ZNF385D: variants seen among roughly 807,000 people sequenced by gnomAD.
ZNF385D encodes the protein zinc finger protein 385D.
ZNF385D carries 15 observed loss-of-function variants against 35.8 expected under a neutral mutation model. The observed-to-expected ratio is 0.42, with a 90% CI of 0.28 to 0.64. The LOEUF (loss-of-function observed/expected upper bound fraction) is 0.64. Ranked by LOEUF, ZNF385D falls within the 30% of genes least tolerant of loss-of-function variation. The probability of loss-of-function intolerance (pLI) is 0.23; values close to 1 mark genes in which losing one functional copy is unlikely to be tolerated. For missense variants in ZNF385D, 474 were observed against 494.6 expected, an observed-to-expected ratio of 0.96 and a Z score of 0.39; for synonymous variants, 212 against 186.8, an observed-to-expected ratio of 1.13 and a Z score of -1.10.
intron 3 of ZNF385D, among the ~76,000 whole-genome samples, chr3:22,097,086 T>C (rs1392022310): frequency 6.7e-6 from 1 of 150,176 alleles, no homozygotes; most frequent in East Asian, 1.9e-4. Context: ...ATGTGAGTCA[T>C]GAGAAATGAA....
At chr3:22,258,564 C>CA (rs1700435440) in intron 2 of ZNF385D, among the ~76,000 whole-genome samples, 1 of 151,236 alleles carries the variant, frequency 6.6e-6, no homozygotes, top group Non-Finnish European at 1.5e-5. Flanking sequence ...AATAGTCTCC[C>CA]AAAAAAGAAT....
intron 2 of ZNF385D, among the ~76,000 whole-genome samples, chr3:22,263,529 A>G (rs971384725): frequency 1.3e-5 from 2 of 151,980 alleles, no homozygotes; most frequent in African/African-American, 4.8e-5. Context: ...AATATTATAC[A>G]TTTTTAAATT....
chr3:22,151,411 G>A (rs1409770075), intron 3 of ZNF385D, among the ~76,000 whole-genome samples: 2 of 152,150 alleles, frequency 1.3e-5, no homozygotes, highest in Admixed American at 1.3e-4. Flanking sequence ...GACATTGTGG[G>A]TTGAGGAGGT....
chr3:21,569,511 T>C (rs1343537366), intron 2 of ZNF385D, among the ~76,000 whole-genome samples: 5 of 151,256 alleles, frequency 3.3e-5, no homozygotes, highest in Non-Finnish European at 2.9e-5. Flanking sequence ...CTTGACTCTT[T>C]ATCCAATTTG....
At chr3:21,661,513 A>G (rs867569337) in intron 2 of ZNF385D, among the ~76,000 whole-genome samples, 16 of 152,150 alleles carry the variant, frequency 1.1e-4, no homozygotes, top group Middle Eastern at 3.2e-3. Flanking sequence ...AACATCATCT[A>G]TCTACTCCCA....
intron 3 of ZNF385D, among the ~76,000 whole-genome samples, chr3:21,886,979 A>T (rs1698580311): frequency 6.6e-6 from 1 of 152,090 alleles, no homozygotes. Context: ...TTTTCAAAGG[A>T]TTTAACATGT....
At chr3:21,725,940 C>G (rs2068745546) in intron 1 of ZNF385D, among the ~76,000 whole-genome samples, 1 of 152,154 alleles carries the variant, frequency 6.6e-6, no homozygotes, top group Non-Finnish European at 1.5e-5. Flanking sequence ...AAAATACTGG[C>G]AAACCAAATC....
intron 2 of ZNF385D, among the ~76,000 whole-genome samples, chr3:22,216,496 T>A (rs994545258): frequency 6.6e-6 from 1 of 151,656 alleles, no homozygotes; most frequent in Non-Finnish European, 1.5e-5. Flanking sequence ...AAGCTAAGAG[T>A]GAGGAGGTAG....
intron 3 of ZNF385D, among the ~76,000 whole-genome samples, chr3:22,030,702 C>T (rs766186349): frequency 3.9e-5 from 6 of 152,040 alleles, no homozygotes; most frequent in Non-Finnish European, 8.8e-5. Context: ...TCTGCCCTGG[C>T]CCCTCCTAAA....
chr3:21,702,145 A>T (rs1281510332), intron 1 of ZNF385D, among the ~76,000 whole-genome samples: 1 of 152,218 alleles, frequency 6.6e-6, no homozygotes, highest in Non-Finnish European at 1.5e-5. Context: ...GAGGTTCTCC[A>T]TGAGGGTACC....
chr3:21,866,205 C>G (rs1163961888), intron 3 of ZNF385D, among the ~76,000 whole-genome samples: 1 of 151,966 alleles, frequency 6.6e-6, no homozygotes, highest in Non-Finnish European at 1.5e-5. Context: ...ATAATCCCAG[C>G]ACTTTGAGAG....
intron 1 of ZNF385D, among the ~76,000 whole-genome samples, chr3:21,706,053 T>G (rs1225320698): frequency 6.6e-6 from 1 of 152,226 alleles, no homozygotes; most frequent in Non-Finnish European, 1.5e-5. Flanking sequence ...GATGCACTAC[T>G]TTGACTCCTC....
chr3:22,068,849 C>T (rs1480922888), intron 3 of ZNF385D, among the ~76,000 whole-genome samples: 4 of 152,136 alleles, frequency 2.6e-5, no homozygotes, highest in African/African-American at 9.7e-5. Flanking sequence ...ACATGGGGCC[C>T]GCCCAAATAA....
intron 2 of ZNF385D, among the ~76,000 whole-genome samples, chr3:22,230,749 A>G (rs756862191): frequency 7.9e-5 from 12 of 152,154 alleles, no homozygotes; most frequent in Admixed American, 5.2e-4. Flanking sequence ...TAAAATCCAG[A>G]AAAGTTTATA....
intron 1 of ZNF385D, among the ~76,000 whole-genome samples, chr3:21,696,240 G>C (rs898386348): frequency 6.6e-6 from 1 of 152,160 alleles, no homozygotes; most frequent in African/African-American, 2.4e-5. Context: ...ACGGACTTTG[G>C]AATTAGATTA....
intron 3 of ZNF385D, among the ~76,000 whole-genome samples, chr3:21,974,951 C>T (rs1366706491): frequency 6.6e-6 from 1 of 152,104 alleles, no homozygotes; most frequent in Non-Finnish European, 1.5e-5. Context: ...AAACGGGAAC[C>T]CTCGAACACT....
chr3:21,836,170 GTCT>G (rs1203001800), intron 3 of ZNF385D, among the ~76,000 whole-genome samples: 1 of 30,282 alleles, frequency 3.3e-5, no homozygotes, highest in Non-Finnish European at 6.0e-5. Flanking sequence ...TCATTGTTTA[GTCT>G]TCTGACTCTT....
chr3:22,086,290 A>G (rs1336012666), intron 3 of ZNF385D, among the ~76,000 whole-genome samples: 1 of 152,216 alleles, frequency 6.6e-6, no homozygotes, highest in South Asian at 2.1e-4. Context: ...ACATGATTGT[A>G]TATTTAGAAA....
intron 2 of ZNF385D, among the ~76,000 whole-genome samples, chr3:22,296,780 G>A (rs1033913167): frequency 6.6e-6 from 1 of 152,128 alleles, no homozygotes; most frequent in African/African-American, 2.4e-5. Context: ...CCACAGCATA[G>A]TGTCTGTCTT....
Sources: allele counts gnomAD v4.1 joint callset (sites outside exome capture counted in the v4.1 genomes callset), GRCh38; gene constraint gnomAD v4.1.1; transcripts MANE v1.5; gene names NCBI Gene and HGNC (gene_info 2026-07-23, HGNC 2026-07-21).